The following ELOF1 variants were observed in gnomAD, a reference collection of about 807,000 sequenced individuals.
ELOF1 encodes the protein transcription elongation factor 1 homolog.
A neutral mutation model predicts 7.1 loss-of-function variants in ELOF1; 4 were observed. The observed-to-expected ratio is 0.56, with a 90% CI of 0.28 to 1.29. ELOF1 has a LOEUF of 1.29. Ranked by LOEUF, ELOF1 falls within the 50% of genes most tolerant of loss-of-function variation. The pLI, the probability that ELOF1 is intolerant of heterozygous loss-of-function variation, is 0.10. For missense variants in ELOF1, 59 were observed against 86.3 expected (o/e 0.68, Z 1.25); for synonymous variants, 31 against 31.9 (o/e 0.97, Z 0.09).
chr19:11,559,048 G>A (rs1972875982), intron 1 of ELOF1, 143 bp downstream of exon 1: 1 of 152,050 alleles, frequency 6.6e-6, no homozygotes, highest in African/African-American at 2.4e-5. Flanking sequence ...TGGGGTCGGG[G>A]GGAGTCAGTC....
chr19:11,553,738 CTG>C (rs1410810252), intron 3 of ELOF1: 2 of 1,614,094 alleles, frequency 1.2e-6, no homozygotes, highest in Admixed American at 1.7e-5. Context: ...GGCGGGTCCT[CTG>C]TGTCGCTACT....
At chr19:11,553,580 A>C (rs1972767725) in intron 3 of ELOF1, 3 of 696,042 alleles carry the variant, frequency 4.3e-6, no homozygotes, top group Non-Finnish European at 4.6e-6. Context: ...ACGCACACCC[A>C]CTACACACAC....
chr19:11,558,943 G>A (rs1972874279), intron 1 of ELOF1: 6 of 152,048 alleles, frequency 3.9e-5, no homozygotes, highest in Admixed American at 2.0e-4. Flanking sequence ...AGAGGTGGGG[G>A]GTTGGCTGTT....
intron 3 of ELOF1, chr19:11,553,605 A>ACC: frequency 1.5e-6 from 1 of 683,038 alleles, no homozygotes; most frequent in Non-Finnish European, 2.4e-6. Flanking sequence ...ACACACACAC[A>ACC]CACACACACA....
intron 3 of ELOF1, 63 bp downstream of exon 3, chr19:11,553,948 A>C (rs1447105094): frequency 6.2e-7 from 1 of 1,611,884 alleles, no homozygotes; most frequent in Non-Finnish European, 8.5e-7. Flanking sequence ...GGGCCAGATG[A>C]GCAGGGTCCG....
intron 3 of ELOF1, chr19:11,553,545 CA>C (rs1972764957): frequency 2.0e-5 from 13 of 655,422 alleles, no homozygotes; most frequent in Admixed American, 1.5e-4. Context: ...CACACACACC[CA>C]CACTCACTCA....
intron 1 of ELOF1, chr19:11,555,029 C>A (rs142977772): frequency 0.014 from 2,136 of 155,866 alleles, 53 homozygotes; most frequent in African/African-American, 0.049. Flanking sequence ...GAGGCTGAGG[C>A]GGGCGGATCA....
intron 1 of ELOF1, 138 bp from the exon 2 acceptor site, chr19:11,554,503 T>A: frequency 8.1e-7 from 1 of 1,237,148 alleles, no homozygotes; most frequent in Non-Finnish European, 1.1e-6. Context: ...GACGAGGCCC[T>A]CAGTCCTGAT....
At chr19:11,556,164 AAC>A (rs151325849) in intron 1 of ELOF1, among the ~76,000 whole-genome samples, 3 of 151,804 alleles carry the variant, frequency 2.0e-5, no homozygotes, top group Non-Finnish European at 2.9e-5. Context: ...CGCCTCCTCC[AAC>A]ACACACACAC....
chr19:11,554,549 A>C, intron 1 of ELOF1, 184 bp from the exon 2 acceptor site: 1 of 855,056 alleles, frequency 1.2e-6, no homozygotes, highest in Non-Finnish European at 1.7e-6. Context: ...TCTGGATGGA[A>C]GGGGTGAGAC....
intron 3 of ELOF1, chr19:11,553,618 C>A: frequency 1.2e-6 from 1 of 864,070 alleles, no homozygotes; most frequent in Non-Finnish European, 1.7e-6. Context: ...CACACACACA[C>A]ACACACACAC....
At chr19:11,558,598 C>T (rs1415854823) in intron 1 of ELOF1, among the ~76,000 whole-genome samples, 1 of 151,774 alleles carries the variant, frequency 6.6e-6, no homozygotes, top group Non-Finnish European at 1.5e-5. Context: ...CAAAAATTAG[C>T]CTTGAGTCTG....
chr19:11,556,442 G>T (rs996838483), intron 1 of ELOF1, among the ~76,000 whole-genome samples: 16 of 151,836 alleles, frequency 1.1e-4, no homozygotes, highest in African/African-American at 3.9e-4. Context: ...TGGGAGTACA[G>T]GCATGCACTA....
At chr19:11,556,968 C>T (rs1972842913) in intron 1 of ELOF1, among the ~76,000 whole-genome samples, 1 of 152,208 alleles carries the variant, frequency 6.6e-6, no homozygotes, top group African/African-American at 2.4e-5. Context: ...ATCACTCTCA[C>T]ACACTTGTTA....
At chr19:11,554,759 T>C (rs1599619333) in intron 1 of ELOF1, 2 of 221,216 alleles carry the variant, frequency 9.0e-6, no homozygotes. Flanking sequence ...CTGGGCAACA[T>C]AGTGAGGCCT....
intron 1 of ELOF1, among the ~76,000 whole-genome samples, chr19:11,556,450 C>T (rs1316255460): frequency 1.3e-5 from 2 of 152,028 alleles, no homozygotes; most frequent in Non-Finnish European, 2.9e-5. Flanking sequence ...CAGGCATGCA[C>T]TACCACGCGT....
intron 1 of ELOF1, among the ~76,000 whole-genome samples, chr19:11,557,846 C>A (rs372962184): frequency 6.6e-6 from 1 of 152,006 alleles, no homozygotes; most frequent in Non-Finnish European, 1.5e-5. Context: ...TGAGCCGAGG[C>A]ACTCCAGCCT....
At position 11,554,481 on chromosome 19, in the gene ELOF1, C is replaced by A. The variant is rs559851038; in HGVS notation, c.-18-116G>T. On this transcript the variant is annotated intron_variant, in intron 1 of 3. Transcript: ENST00000586683. ...GACTTGCACCGTGGTCCCGGGGCCT[C>A]TGCCCTTGAGGGACGAGGCCCTCAG... The A allele has an allele frequency of 2.0e-4, 284 of 1,443,150 alleles. 3 individuals carry two copies. In the East Asian group the frequency reaches 6.4e-3, roughly 32 times the overall value. The allele number at this position is 1,443,150 out of a possible 1,614,324, so 89.4% of individuals were successfully genotyped here.
In ELOF1 at chr19:11,558,482, C is replaced by T. The variant is rs555875577; in HGVS notation, c.-19+709G>A. Among the ~76,000 whole-genome samples, 13 of 152,096 alleles carry T rather than the reference C, an allele frequency of 8.5e-5. 1 individual carries two copies. The South Asian group carries it at 2.3e-3, about 27-fold the overall frequency. On this transcript the variant is annotated intron_variant, in intron 1 of 3. Transcript: ENST00000586683. ...ACTCTATCACTTTGGGACGTCACGC[C>T]CGTAATCTCATCACTTTGGGAGGCC... is the stretch of plus-strand genomic sequence containing the variant.
Sources: allele counts gnomAD v4.1 joint callset (sites outside exome capture counted in the v4.1 genomes callset), GRCh38; gene constraint gnomAD v4.1.1; transcripts MANE v1.5; gene names NCBI Gene and HGNC (gene_info 2026-07-23, HGNC 2026-07-21).